Variants in APBB1IP observed in about 807,000 individuals in gnomAD.
The protein encoded by APBB1IP is amyloid beta precursor protein binding family B member 1 interacting protein.
APBB1IP carries 27 observed loss-of-function variants against 64.9 expected under a neutral mutation model. The observed-to-expected ratio is 0.42, with a 90% CI of 0.31 to 0.57. The LOEUF (loss-of-function observed/expected upper bound fraction) is 0.57. Ranked by LOEUF, APBB1IP falls within the 20% of genes least tolerant of loss-of-function variation. The pLI is 0.20. For synonymous variants in APBB1IP, 392 were observed against 331.0 expected, an observed-to-expected ratio of 1.18 and a Z score of -2.00; for missense variants, 812 against 845.5, an observed-to-expected ratio of 0.96 and a Z score of 0.49.
chr10:26,501,263 A>G (rs1031821995), intron 5 of APBB1IP, 152 bp downstream of exon 5: 17 of 1,146,214 alleles, frequency 1.5e-5, no homozygotes, highest in Non-Finnish European at 2.1e-5. Context: ...TTGCAAAGCT[A>G]GAACCCTCCG....
At position 26,536,256 on chromosome 10, in the gene APBB1IP, A is replaced by C. The variant is rs755870431; in HGVS notation, c.1044+39A>C. 2.6e-6 allele frequency: 4 copies of C among 1,540,312 alleles called. No homozygotes were observed. In the East Asian group the frequency reaches 9.1e-5, roughly 35 times the overall value. ...AAAAAAAAGCACTTAGCAATAAAGC[A>C]TTTCATGAGAATGAAACTAAAGAAA... On this transcript the variant is annotated intron_variant, in intron 10 of 14. Coordinates refer to ENST00000376236, the MANE Select transcript of APBB1IP (RefSeq NM_019043.4).
chr10:26,531,328 G>A (rs948043482), intron 8 of APBB1IP, among the ~76,000 whole-genome samples: 24 of 147,638 alleles, frequency 1.6e-4, no homozygotes, highest in Non-Finnish European at 2.8e-4. Flanking sequence ...AGAGCAAGAC[G>A]CTGTCTCAAA....
At position 26,492,418 on chromosome 10, in the gene APBB1IP, T is replaced by C. The variant is rs754072072; in HGVS notation, c.72+20T>C. The C allele has an allele frequency of 3.1e-6, 5 of 1,610,158 alleles. No homozygotes were observed. The South Asian group carries it at 5.5e-5, about 18-fold the overall frequency. On this transcript the variant is annotated intron_variant, in intron 3 of 14. Transcript: ENST00000376236. ...ACTCAGGTAAACTTCCCTTTTTAAC[T>C]GGCAAATTGGAAAACAAAAATAGAG...
chr10:26,497,604 A>G (rs905164292), intron 4 of APBB1IP, among the ~76,000 whole-genome samples: 9 of 152,032 alleles, frequency 5.9e-5, no homozygotes, highest in Non-Finnish European at 1.5e-5. Context: ...ACTCCCTGCA[A>G]CTCTGGAAAA....
Position 26,567,330 on chromosome 10 carries a change from G to T in APBB1IP, c.1843G>T (p.Asp615Tyr). 7.5e-7 allele frequency: 1 copy of T among 1,329,908 alleles called. No homozygotes were observed. Among genetic ancestry groups the T allele is most frequent in the Non-Finnish European group, 9.8e-7 (1 of 1,024,318 alleles). The allele number at this position is 1,329,908 out of a possible 1,614,324, so 82.4% of individuals were successfully genotyped here. A position where few individuals can be genotyped will look rare whatever the true frequency, so the allele number is the denominator to read the frequency against. Residue 615 changes from aspartate to tyrosine, a missense_variant, in exon 15 of 15, where the codon GAC becomes TAC. This residue lies in a region of APBB1IP where 381 missense variants were observed against 352.1 expected (regional missense o/e 1.08). Coordinates refer to ENST00000376236, the MANE Select transcript of APBB1IP (RefSeq NM_019043.4). The part of the protein sequence containing the change: ...PPAPAPAPVP[D>Y]SARPPPAVAK... Reference sequence around the variant, plus strand: ...CGCGCCCGCGCCCGCCCCCGTCCCCGACTCCGCCAGGCCGCCCCCCGCGGT... The same window carrying T: ...CGCGCCCGCGCCCGCCCCCGTCCCCTACTCCGCCAGGCCGCCCCCCGCGGT...
intron 6 of APBB1IP, among the ~76,000 whole-genome samples, chr10:26,505,643 C>G (rs1049700688): frequency 3.3e-5 from 5 of 152,082 alleles, no homozygotes; most frequent in African/African-American, 4.8e-5. Flanking sequence ...CCACACCTGG[C>G]CTCAGCTAAT....
At chr10:26,486,174 C>T (rs1390480443) in intron 2 of APBB1IP, among the ~76,000 whole-genome samples, 6 of 152,180 alleles carry the variant, frequency 3.9e-5, no homozygotes, top group African/African-American at 4.8e-5. Context: ...AGTGCCTGAA[C>T]GCTCTCCACT....
At chr10:26,485,860 C>T (rs939414883) in intron 2 of APBB1IP, among the ~76,000 whole-genome samples, 6 of 152,068 alleles carry the variant, frequency 3.9e-5, no homozygotes, top group Non-Finnish European at 8.8e-5. Flanking sequence ...GAGATATGCA[C>T]AGAGGAGGAT....
chr10:26,560,876 T>C, intron 13 of APBB1IP, 32 bp downstream of exon 13: 2 of 1,529,476 alleles, frequency 1.3e-6, no homozygotes, highest in Non-Finnish European at 1.8e-6. Context: ...CCAACACATA[T>C]TCAAAGCTTG....
intron 3 of APBB1IP, 124 bp downstream of exon 3, chr10:26,492,522 T>G: frequency 3.8e-6 from 3 of 799,754 alleles, no homozygotes; most frequent in African/African-American, 1.7e-5. Context: ...CCCCCGATAT[T>G]TCAATGTAGG....
At chr10:26,503,132 C>A in intron 5 of APBB1IP, 65 bp from the exon 6 acceptor site, 1 of 1,472,110 alleles carries the variant, frequency 6.8e-7, no homozygotes, top group Non-Finnish European at 9.4e-7. Flanking sequence ...CTAGCAATGA[C>A]AGAAGTGATT....
intron 3 of APBB1IP, among the ~76,000 whole-genome samples, chr10:26,494,825 A>G (rs1836000129): frequency 6.6e-6 from 1 of 152,072 alleles, no homozygotes; most frequent in Admixed American, 6.5e-5. Flanking sequence ...ACTCCATCTC[A>G]ATAAAAACAA....
chr10:26,466,899 G>A (rs1352511277), intron 2 of APBB1IP, among the ~76,000 whole-genome samples: 1 of 151,922 alleles, frequency 6.6e-6, no homozygotes, highest in African/African-American at 2.4e-5. Context: ...TCACACCACT[G>A]CATTCCAGCC....
intron 6 of APBB1IP, among the ~76,000 whole-genome samples, chr10:26,505,941 G>A (rs1023273536): frequency 1.8e-4 from 27 of 151,962 alleles, no homozygotes; most frequent in Non-Finnish European, 2.9e-5. Flanking sequence ...TGCATGACAT[G>A]GCGACCAGTC....
intron 8 of APBB1IP, among the ~76,000 whole-genome samples, chr10:26,526,104 G>A (rs74876742): frequency 0.044 from 6,630 of 152,288 alleles, 143 homozygotes; most frequent in South Asian, 0.079. Flanking sequence ...GTTTGGGATA[G>A]CGTGTCCTAA....
intron 8 of APBB1IP, among the ~76,000 whole-genome samples, chr10:26,524,379 C>G (rs1451940000): frequency 2.0e-5 from 3 of 151,894 alleles, no homozygotes; most frequent in Admixed American, 2.0e-4. Flanking sequence ...CCGTAATTAC[C>G]CACTTCTTTC....
At chr10:26,445,718 A>G (rs1235903063) in intron 2 of APBB1IP, among the ~76,000 whole-genome samples, 2 of 152,362 alleles carry the variant, frequency 1.3e-5, no homozygotes, top group South Asian at 2.1e-4. Flanking sequence ...AATCCAAACC[A>G]GATTTGGAAG....
intron 2 of APBB1IP, among the ~76,000 whole-genome samples, chr10:26,474,266 C>T (rs993829068): frequency 1.3e-5 from 2 of 152,204 alleles, no homozygotes; most frequent in African/African-American, 2.4e-5. Flanking sequence ...TGTGCTCTGC[C>T]TAGGGCTGAT....
chr10:26,454,645 G>C (rs1001639853), intron 2 of APBB1IP, among the ~76,000 whole-genome samples: 2 of 152,070 alleles, frequency 1.3e-5, no homozygotes, highest in African/African-American at 4.8e-5. Flanking sequence ...ATAAGACCTA[G>C]TATTTGCTAG....
Sources: allele counts gnomAD v4.1 joint callset (sites outside exome capture counted in the v4.1 genomes callset), GRCh38; gene constraint gnomAD v4.1.1; regional missense constraint gnomAD v4.1.1; transcripts MANE v1.5; gene names NCBI Gene and HGNC (gene_info 2026-07-23, HGNC 2026-07-21).